The following GRIK1 variants were observed in gnomAD, a reference collection of about 807,000 sequenced individuals.
GRIK1 encodes glutamate ionotropic receptor kainate type subunit 1, also known as glutamate receptor ionotropic, kainate 1.
In GRIK1, 69 loss-of-function variants were observed where a neutral mutation model predicts 105.7. The observed-to-expected ratio is 0.65, with a 90% CI of 0.54 to 0.80. The LOEUF (loss-of-function observed/expected upper bound fraction) is 0.80. GRIK1 is among the 30% of genes least tolerant of loss of function. The probability of loss-of-function intolerance (pLI) is 0.00; values close to 1 mark genes in which losing one functional copy is unlikely to be tolerated. For synonymous variants in GRIK1, 438 were observed against 431.3 expected (o/e 1.02, Z -0.19); for missense variants, 1,109 against 1,167.3 (o/e 0.95, Z 0.73).
intron 15 of GRIK1, among the ~76,000 whole-genome samples, chr21:29,558,182 C>A (rs1367338531): frequency 1.3e-5 from 2 of 152,006 alleles, no homozygotes; most frequent in Non-Finnish European, 2.9e-5. Flanking sequence ...GTGACTCTGC[C>A]AATCTTTGAT....
At chr21:29,713,365 T>C (rs979173388) in intron 1 of GRIK1, among the ~76,000 whole-genome samples, 1 of 152,184 alleles carries the variant, frequency 6.6e-6, no homozygotes, top group African/African-American at 2.4e-5. Flanking sequence ...ATAGTTGTAA[T>C]TGATATTTTA....
chr21:29,697,389 A>C (rs1025738985), intron 1 of GRIK1, among the ~76,000 whole-genome samples: 2 of 152,222 alleles, frequency 1.3e-5, no homozygotes, highest in African/African-American at 2.4e-5. Context: ...ATAAAGCCAA[A>C]TGAACCTGGG....
At chr21:29,801,318 A>C (rs1385028434) in intron 1 of GRIK1, among the ~76,000 whole-genome samples, 2 of 151,990 alleles carry the variant, frequency 1.3e-5, no homozygotes, top group Non-Finnish European at 2.9e-5. Context: ...AACTTAATAA[A>C]TAGTACTTAC....
intron 1 of GRIK1, among the ~76,000 whole-genome samples, chr21:29,701,960 G>A (rs1404815608): frequency 6.6e-6 from 1 of 152,194 alleles, no homozygotes; most frequent in Non-Finnish European, 1.5e-5. Context: ...GATGCAGGAG[G>A]TACTTGACTT....
rs557825057 is a variant in GRIK1, at chr21:29,772,681, G to A, written c.119-78618C>T. On this transcript the variant is annotated intron_variant, in intron 1 of 17. Coordinates refer to ENST00000327783, the MANE Select transcript of GRIK1 (RefSeq NM_001330994.2). ...GTTTAAAACCAGTTTGTAAATTTGC[G>A]TATGTGAAACCCAAAAAAGAGATCC... Among the ~76,000 whole-genome samples, 672 of 152,086 alleles carry A rather than the reference G, an allele frequency of 4.4e-3. 4 individuals are homozygous for A. The highest frequency in any genetic ancestry group is 6.8e-3 in the Non-Finnish European group (460 of 67,992).
rs757488482 is a variant in GRIK1 at position 29,598,828 on chromosome 21, A to C, written c.1206+2T>G. The C allele has an allele frequency of 1.6e-6, 2 of 1,275,026 alleles. No homozygotes were observed. Among genetic ancestry groups the C allele is most frequent in the Non-Finnish European group, 2.3e-6 (2 of 882,656 alleles). 79.0% of individuals were successfully genotyped at this position (1,275,026 alleles called of 1,614,324 possible). A position where few individuals can be genotyped will look rare whatever the true frequency, so the allele number is the denominator to read the frequency against. On this transcript the variant is annotated splice_donor_variant, in intron 8 of 17. Coordinates refer to ENST00000327783, the MANE Select transcript of GRIK1 (RefSeq NM_001330994.2). LOFTEE classifies it high-confidence loss of function. Reference sequence around the variant, plus strand: ...TTATTTATTTATTGTTAAGGAGGTTACCTTTTCAGTTCCTTCCTCTTTGAG... The same window carrying C: ...TTATTTATTTATTGTTAAGGAGGTTCCCTTTTCAGTTCCTTCCTCTTTGAG...
chr21:29,790,851 G>T (rs1230093930), intron 1 of GRIK1, among the ~76,000 whole-genome samples: 1 of 152,174 alleles, frequency 6.6e-6, no homozygotes, highest in Non-Finnish European at 1.5e-5. Context: ...GTGAATGAAG[G>T]CTCATTGCTT....
intron 1 of GRIK1, among the ~76,000 whole-genome samples, chr21:29,754,449 C>T (rs900045808): frequency 6.6e-6 from 1 of 152,158 alleles, no homozygotes; most frequent in Non-Finnish European, 1.5e-5. Context: ...TGTTCAAATC[C>T]TGGTTCCTAC....
chr21:29,864,624 T>C (rs2068746493), intron 1 of GRIK1, among the ~76,000 whole-genome samples: 1 of 152,234 alleles, frequency 6.6e-6, no homozygotes, highest in Non-Finnish European at 1.5e-5. Flanking sequence ...CCTGAAGATA[T>C]TATAATAGTG....
chr21:29,710,785 CTCCCTCCTTCCTTCCT>C (rs1247947488), intron 1 of GRIK1, among the ~76,000 whole-genome samples: 9 of 48,970 alleles, frequency 1.8e-4, no homozygotes, highest in South Asian at 1.1e-3. Flanking sequence ...CCCTCCCTCC[CTCCCTCCTTCCTTCCT>C]TCCTTCCTTC....
chr21:29,835,186 C>T (rs973760658), intron 1 of GRIK1, among the ~76,000 whole-genome samples: 2 of 152,166 alleles, frequency 1.3e-5, no homozygotes, highest in African/African-American at 4.8e-5. Flanking sequence ...TTTTGTAAGC[C>T]TCCTACAAAT....
At chr21:29,544,579 A>G (rs2146098408) in intron 16 of GRIK1, among the ~76,000 whole-genome samples, 1 of 152,332 alleles carries the variant, frequency 6.6e-6, no homozygotes, top group South Asian at 2.1e-4. Flanking sequence ...TAGGGATGAT[A>G]TAGAAAGAAA....
chr21:29,928,409 G>A (rs896337254), intron 1 of GRIK1, among the ~76,000 whole-genome samples: 1 of 152,186 alleles, frequency 6.6e-6, no homozygotes, highest in Non-Finnish European at 1.5e-5. Context: ...CTGGAGTCAT[G>A]GTAGGAGGAC....
At chr21:29,756,765 A>C (rs1370354306) in intron 1 of GRIK1, among the ~76,000 whole-genome samples, 1 of 152,234 alleles carries the variant, frequency 6.6e-6, no homozygotes, top group East Asian at 1.9e-4. Context: ...AAAAAAATAA[A>C]AAAAATAAAC....
At chr21:29,603,873 T>C (rs2061565134) in intron 7 of GRIK1, among the ~76,000 whole-genome samples, 1 of 152,222 alleles carries the variant, frequency 6.6e-6, no homozygotes, top group Non-Finnish European at 1.5e-5. Context: ...ACTGTCCTCC[T>C]GACCTGTTTG....
chr21:29,901,450 T>A (rs374715115), intron 1 of GRIK1, among the ~76,000 whole-genome samples: 1 of 151,928 alleles, frequency 6.6e-6, no homozygotes, highest in East Asian at 1.9e-4. Flanking sequence ...CAATAAAAAA[T>A]GATAAAGGGG....
chr21:29,759,278 C>T (rs570325716), intron 1 of GRIK1, among the ~76,000 whole-genome samples: 8 of 151,976 alleles, frequency 5.3e-5, no homozygotes, highest in Non-Finnish European at 8.8e-5. Flanking sequence ...CCACCATGCC[C>T]GGCTAATTTT....
intron 1 of GRIK1, among the ~76,000 whole-genome samples, chr21:29,732,811 T>C (rs998511626): frequency 6.6e-6 from 1 of 152,210 alleles, no homozygotes; most frequent in Non-Finnish European, 1.5e-5. Flanking sequence ...GAGATTAATA[T>C]ATTCCTTTAA....
intron 13 of GRIK1, 126 bp downstream of exon 13, chr21:29,581,299 G>A (rs2091018387): frequency 1.5e-6 from 1 of 675,134 alleles, no homozygotes; most frequent in Non-Finnish European, 2.7e-6. Flanking sequence ...AAAGTCCGTT[G>A]CTATTTTCTT....
Sources: allele counts gnomAD v4.1 joint callset (sites outside exome capture counted in the v4.1 genomes callset), GRCh38; gene constraint gnomAD v4.1.1; transcripts MANE v1.5; gene names NCBI Gene and HGNC (gene_info 2026-07-23, HGNC 2026-07-21).